Variants in ACOX3 observed in about 807,000 individuals in gnomAD.
ACOX3 encodes peroxisomal acyl-coenzyme A oxidase 3.
Under a neutral mutation model 81.5 loss-of-function variants are expected in ACOX3, and 73 were observed. That is an observed-to-expected ratio of 0.90 (90% CI 0.74 to 1.09). The LOEUF is 1.09. Among genes scored for constraint, ACOX3 ranks in the 50% least tolerant of loss-of-function variants. The pLI, the probability that ACOX3 is intolerant of heterozygous loss-of-function variation, is 0.00. For synonymous variants in ACOX3, 387 were observed against 375.1 expected (o/e 1.03, Z -0.37); for missense variants, 947 against 928.0 (o/e 1.02, Z -0.27).
intron 3 of ACOX3, among the ~76,000 whole-genome samples, chr4:8,415,145 G>C (rs1468268614): frequency 6.6e-6 from 1 of 152,234 alleles, no homozygotes; most frequent in Non-Finnish European, 1.5e-5. Context: ...CCGGGTCCCT[G>C]AGTTCATGTG....
intron 1 of ACOX3, among the ~76,000 whole-genome samples, chr4:8,434,980 T>C (rs1189507337): frequency 6.6e-6 from 1 of 152,198 alleles, no homozygotes; most frequent in African/African-American, 2.4e-5. Context: ...AGTGTGAATG[T>C]TGTTTTGTCT....
chr4:8,369,212 G>T (rs993891775), intron 17 of ACOX3, among the ~76,000 whole-genome samples: 4 of 152,150 alleles, frequency 2.6e-5, no homozygotes, highest in African/African-American at 9.7e-5. Flanking sequence ...GTGCTTGGGG[G>T]TCCTCCATGG....
chr4:8,404,139 C>T (rs1720663515), intron 7 of ACOX3, among the ~76,000 whole-genome samples: 2 of 152,242 alleles, frequency 1.3e-5, no homozygotes, highest in Admixed American at 6.5e-5. Context: ...CAGACCAAGC[C>T]GCATTACATC....
chr4:8,373,208 C>T (rs756090259), intron 16 of ACOX3, among the ~76,000 whole-genome samples: 20 of 151,992 alleles, frequency 1.3e-4, no homozygotes, highest in Non-Finnish European at 2.2e-4. Context: ...GATCTGGAGA[C>T]GCCCCGACAG....
the ACOX3 span, chr4:8,356,813 C>T: frequency 1.1e-5 from 5 of 456,132 alleles, no homozygotes; most frequent in Non-Finnish European, 2.2e-5. Flanking sequence ...ATGGTGCATG[C>T]TAAGATGATC....
At chr4:8,362,941 TC>T (rs1402989979), downstream of ACOX3, among the ~76,000 whole-genome samples, 9 of 152,348 alleles carry the variant, frequency 5.9e-5, no homozygotes, top group African/African-American at 2.2e-4. Flanking sequence ...TATAATAAAA[TC>T]AGTCTTACCA....
Position 8,394,505 on chromosome 4 carries a change from G to A in ACOX3, c.1179+115C>T. 3.4e-6 allele frequency: 5 copies of A among 1,454,240 alleles called. No homozygotes were observed. Among genetic ancestry groups the A allele is most frequent in the East Asian group, 2.4e-5 (1 of 41,206 alleles). The allele number at this position is 1,454,240 out of a possible 1,614,324, so 90.1% of individuals were successfully genotyped here. Reference sequence around the variant, plus strand: ...AGTGGGTGGGAACAACTGGAGGAATGCTCTGTCCTCGCAAATCAAAGGACT... The same window carrying A: ...AGTGGGTGGGAACAACTGGAGGAATACTCTGTCCTCGCAAATCAAAGGACT... On this transcript the variant is annotated intron_variant, in intron 10 of 17. Transcript: ENST00000356406. The surrounding 1 kb of genome is among the most constrained non-coding windows in gnomAD (Gnocchi z 5.9).
At chr4:8,361,903 T>C (rs1201348689), downstream of ACOX3, among the ~76,000 whole-genome samples, 2 of 152,244 alleles carry the variant, frequency 1.3e-5, no homozygotes, top group Non-Finnish European at 2.9e-5. Flanking sequence ...AAATGTGTTA[T>C]TGGTATATGT....
chr4:8,400,553 T>C lies in ACOX3; in HGVS notation c.777-901A>G, dbSNP rs1037735880. On this transcript the variant is annotated intron_variant, in intron 7 of 17. Coordinates refer to ENST00000356406, the MANE Select transcript of ACOX3 (RefSeq NM_003501.3). This position sits in a 1 kb window ranked among gnomAD's most constrained non-coding sequence, Gnocchi z 4.4. ...GCATAGGATTACACACACATTGTTA[T>C]GGATCATGATGTATTAATAACCAAA... Among the ~76,000 whole-genome samples, 1 of 152,236 alleles carries C rather than the reference T, an allele frequency of 6.6e-6. No individual in the cohort carries two copies. Among genetic ancestry groups the C allele is most frequent in the Non-Finnish European group, 1.5e-5 (1 of 68,038 alleles).
intron 17 of ACOX3, among the ~76,000 whole-genome samples, 189 bp from the exon 18 acceptor site, chr4:8,367,269 C>T (rs1051282242): frequency 2.6e-5 from 4 of 152,042 alleles, no homozygotes; most frequent in Admixed American, 1.3e-4. Flanking sequence ...CACCTGAGGT[C>T]GGGAGTTTTA....
intron 1 of ACOX3, among the ~76,000 whole-genome samples, chr4:8,433,471 A>G (rs1433018062): frequency 6.6e-6 from 1 of 152,242 alleles, no homozygotes. Context: ...CTTTAGAACT[A>G]TGAGAGAATA....
At position 8,418,374 on chromosome 4, in the gene ACOX3, G is replaced by T. The variant is rs527297543; in HGVS notation, c.-14-1839C>A. Among the ~76,000 whole-genome samples, 39 of 149,668 alleles carry T rather than the reference G, an allele frequency of 2.6e-4. No homozygotes were observed. The East Asian group carries it at 7.4e-3, about 28-fold the overall frequency. The stretch of plus-strand genomic sequence containing the variant: ...CTCAGGAGGCTGAGGCAGGAGAATC[G>T]CTTGAACCTGGGAGACAGAAGTTGC... On this transcript the variant is annotated intron_variant, in intron 1 of 17. Transcript: ENST00000356406.
rs1302645199 is a variant in ACOX3, at chr4:8,381,166, T to G, written c.1653+326A>C. 1.3e-5 allele frequency among the ~76,000 whole-genome samples: 2 copies of G among 152,200 alleles called. No homozygotes were observed. Among genetic ancestry groups the G allele is most frequent in the Non-Finnish European group, 2.9e-5 (2 of 68,044 alleles). On this transcript the variant is annotated intron_variant, in intron 14 of 17. Transcript: ENST00000356406. The surrounding 1 kb of genome is among the most constrained non-coding windows in gnomAD (Gnocchi z 4.3). ...TCCCACGAGTCAGGAGGGAGTGCTC[T>G]GAGTGCCCGCAATGGTGTCTCCGCC... is the stretch of plus-strand genomic sequence containing the variant.
chr4:8,420,963 A>T (rs1722878727), intron 1 of ACOX3, among the ~76,000 whole-genome samples: 2 of 152,134 alleles, frequency 1.3e-5, no homozygotes, highest in Non-Finnish European at 2.9e-5. Context: ...TCCATGACCC[A>T]CGGCTTCTAA....
At chr4:8,425,693 T>C (rs958888605) in intron 1 of ACOX3, among the ~76,000 whole-genome samples, 2 of 150,578 alleles carry the variant, frequency 1.3e-5, no homozygotes, top group African/African-American at 2.5e-5. Context: ...TTTCAGTATC[T>C]ACTAGTCTGG....
chr4:8,389,040 A>G lies in ACOX3; in HGVS notation c.1537+133T>C, dbSNP rs1422287239. The G allele has an allele frequency of 2.9e-6, 2 of 679,958 alleles. No individual in the cohort carries two copies. The highest frequency in any genetic ancestry group is 5.1e-6 in the Non-Finnish European group (2 of 388,358). The allele number at this position is 679,958 out of a possible 1,614,324, so 42.1% of individuals were successfully genotyped here. ...CATGAGCCAGCCCAGGACAAGCTGC[A>G]TGCGGGGCCTCCCACCACCACTGCT... On this transcript the variant is annotated intron_variant, in intron 13 of 17. Transcript: ENST00000356406. The surrounding 1 kb of genome is among the most constrained non-coding windows in gnomAD (Gnocchi z 5.3).
intron 7 of ACOX3, among the ~76,000 whole-genome samples, chr4:8,404,831 T>C (rs1060617): frequency 0.065 from 9,888 of 152,240 alleles, 507 homozygotes; most frequent in African/African-American, 0.14. Flanking sequence ...TCTTTCAGGC[T>C]ATCAGGCTCA....
chr4:8,390,119 A>T (rs988869867), intron 11 of ACOX3, among the ~76,000 whole-genome samples: 5 of 151,114 alleles, frequency 3.3e-5, no homozygotes, highest in Admixed American at 6.6e-5. Context: ...AACAACAACA[A>T]AAAAAGCCAT....
At chr4:8,425,144 A>G (rs989894514) in intron 1 of ACOX3, among the ~76,000 whole-genome samples, 3 of 152,236 alleles carry the variant, frequency 2.0e-5, no homozygotes, top group African/African-American at 4.8e-5. Context: ...TTGGCTGTAC[A>G]GAAACCTAAA....
Sources: allele counts gnomAD v4.1 joint callset (sites outside exome capture counted in the v4.1 genomes callset), GRCh38; gene constraint gnomAD v4.1.1; non-coding constraint Gnocchi (gnomAD v3.1); transcripts MANE v1.5; gene names NCBI Gene and HGNC (gene_info 2026-07-23, HGNC 2026-07-21).